AIF1L: variants seen among roughly 807,000 people sequenced by gnomAD.
AIF1L encodes allograft inflammatory factor 1-like.
AIF1L carries 12 observed loss-of-function variants against 20.7 expected under a neutral mutation model. That is an observed-to-expected ratio of 0.58 (90% CI 0.37 to 0.94). AIF1L has a LOEUF of 0.94. Among genes scored for constraint, AIF1L ranks in the 40% least tolerant of loss-of-function variants. AIF1L has a pLI of 0.01. For missense variants in AIF1L, 173 were observed against 185.3 expected, an observed-to-expected ratio of 0.93 and a Z score of 0.39; for synonymous variants, 76 against 65.1, an observed-to-expected ratio of 1.17 and a Z score of -0.81.
chr9:131,106,007 T>C (rs1830739508), intron 2 of AIF1L, among the ~76,000 whole-genome samples: 5 of 152,108 alleles, frequency 3.3e-5, no homozygotes, highest in Admixed American at 3.3e-4. Context: ...TTTGTAGAGA[T>C]GGGATCTCCC....
At chr9:131,106,236 C>G in intron 2 of AIF1L, 10 of 1,535,910 alleles carry the variant, frequency 6.5e-6, no homozygotes, top group Non-Finnish European at 7.0e-6. Context: ...ATGTTCCCAG[C>G]ACAGCTGCTT....
At chr9:131,117,173 T>G (rs1360902275) in intron 4 of AIF1L, among the ~76,000 whole-genome samples, 1 of 152,164 alleles carries the variant, frequency 6.6e-6, no homozygotes, top group African/African-American at 2.4e-5. Flanking sequence ...TGGGATATTT[T>G]TGGCATCCTC....
At chr9:131,114,808 C>A (rs1042650189) in intron 4 of AIF1L, among the ~76,000 whole-genome samples, 190 bp downstream of exon 4, 14 of 152,068 alleles carry the variant, frequency 9.2e-5, no homozygotes, top group African/African-American at 3.1e-4. Context: ...CCCTTTGATC[C>A]CCTACTGCTT....
chr9:131,100,006 C>T (rs186447447), intron 2 of AIF1L, among the ~76,000 whole-genome samples: 4 of 152,112 alleles, frequency 2.6e-5, no homozygotes, highest in Non-Finnish European at 2.9e-5. Context: ...GGATTACAGG[C>T]GTGAGCCACC....
At chr9:131,100,295 A>T (rs975280341) in intron 2 of AIF1L, among the ~76,000 whole-genome samples, 1 of 152,132 alleles carries the variant, frequency 6.6e-6, no homozygotes, top group Non-Finnish European at 1.5e-5. Context: ...GAGGTGGGGG[A>T]GCCGCATGAA....
chr9:131,097,103 G>C (rs529912424), intron 2 of AIF1L, among the ~76,000 whole-genome samples: 6 of 151,954 alleles, frequency 3.9e-5, no homozygotes, highest in Non-Finnish European at 8.8e-5. Context: ...CTGGGGACTG[G>C]GGAGGTGGGG....
intron 2 of AIF1L, among the ~76,000 whole-genome samples, chr9:131,102,050 G>A (rs13298718): frequency 1.9e-3 from 289 of 152,234 alleles, no homozygotes; most frequent in Non-Finnish European, 3.5e-3. Context: ...CCGAGTAGCT[G>A]GGATTACAAG....
At position 131,112,249 on chromosome 9, in the gene AIF1L, C is replaced by T. The variant is rs528893932; in HGVS notation, c.160+586C>T. 6.3e-4 allele frequency: 97 copies of T among 154,748 alleles called. 1 individual carries two copies. Among genetic ancestry groups the T allele is most frequent in the South Asian group, 2.5e-3 (13 of 5,116 alleles). The allele number at this position is 154,748 out of a possible 1,614,324, so 9.6% of individuals were successfully genotyped here. Reference sequence around the variant, plus strand: ...GCCAGCACCTCGAAAGGAGAGGAGCCGGGCACATAGGGGGCAGCGCAGACC... The same window carrying T: ...GCCAGCACCTCGAAAGGAGAGGAGCTGGGCACATAGGGGGCAGCGCAGACC... On this transcript the variant is annotated intron_variant, in intron 3 of 5. Coordinates refer to ENST00000247291, the MANE Select transcript of AIF1L (RefSeq NM_031426.4).
At position 131,120,300 on chromosome 9, in the gene AIF1L, G is replaced by A; in HGVS notation, c.431G>A (p.Arg144Lys). The A allele has an allele frequency of 1.2e-6, 2 of 1,613,668 alleles. No homozygotes were observed. Among genetic ancestry groups the A allele is most frequent in the East Asian group, 2.2e-5 (1 of 44,836 alleles). The change falls in exon 6 of 6, where the codon AGA becomes AAA. Residue 144 changes from arginine (R) to lysine (K), a missense_variant. Physicochemically the swap from Arg to Lys is conservative, Grantham distance 26. Transcript: ENST00000247291. The stretch of plus-strand genomic sequence containing the variant: ...AAGCCAGTTGGCCCCCCTCCAGAGA[G>A]AGACATTGCTAGCCTGCCCTGAGGA... ...SPKPVGPPPE[R>K]DIASLP
At chr9:131,113,617 G>A (rs1336384691) in intron 3 of AIF1L, among the ~76,000 whole-genome samples, 3 of 151,082 alleles carry the variant, frequency 2.0e-5, no homozygotes, top group East Asian at 4.0e-4. Flanking sequence ...CTGAGATCAC[G>A]CCACTACACT....
At chr9:131,114,507 G>T in intron 3 of AIF1L, 70 bp from the exon 4 acceptor site, 1 of 1,565,520 alleles carries the variant, frequency 6.4e-7, no homozygotes, top group Non-Finnish European at 8.8e-7. Flanking sequence ...TGCCCACAAG[G>T]GAGCCACTGG....
chr9:131,102,190 G>C (rs976399287), intron 2 of AIF1L, among the ~76,000 whole-genome samples: 1 of 152,172 alleles, frequency 6.6e-6, no homozygotes, highest in Non-Finnish European at 1.5e-5. Context: ...TGGGATTGCA[G>C]GTATGAGCCA....
chr9:131,106,311 A>C (rs1180836144), intron 2 of AIF1L: 7 of 1,324,604 alleles, frequency 5.3e-6, no homozygotes, highest in Middle Eastern at 3.6e-4. Flanking sequence ...CATCCTGCAC[A>C]TGTTTATTGA....
At chr9:131,103,407 C>T (rs563484155) in intron 2 of AIF1L, among the ~76,000 whole-genome samples, 1 of 152,350 alleles carries the variant, frequency 6.6e-6, no homozygotes, top group East Asian at 1.9e-4. Flanking sequence ...CCCCCGCACA[C>T]ACACCTGCCT....
At chr9:131,111,692 A>C in intron 3 of AIF1L, 29 bp downstream of exon 3, 3 of 1,607,934 alleles carry the variant, frequency 1.9e-6, no homozygotes, top group Non-Finnish European at 2.6e-6. Flanking sequence ...CCCTGCATTT[A>C]TTCCTGGGGG....
intron 2 of AIF1L, among the ~76,000 whole-genome samples, chr9:131,108,615 A>G (rs895817802): frequency 1.2e-4 from 18 of 152,236 alleles, no homozygotes; most frequent in African/African-American, 3.9e-4. Context: ...AGTGTCTGCT[A>G]CAGCCAATGT....
chr9:131,112,761 T>C (rs954064546), intron 3 of AIF1L, among the ~76,000 whole-genome samples: 2 of 151,998 alleles, frequency 1.3e-5, no homozygotes, highest in Admixed American at 6.6e-5. Context: ...TAAAAGACAC[T>C]CCTGACCCCA....
chr9:131,096,787 CTT>C lies in AIF1L; in HGVS notation c.32-13_32-12del. On this transcript the variant is annotated splice_polypyrimidine_tract_variant and intron_variant, in intron 1 of 5. Transcript: ENST00000247291. ...GAGGACCCCGCTTCCCAGGCCGCCTCTTTGTCTCCTCCAGGAGGGAAGGCGTT... is the reference window on the plus strand; with the variant it reads ...GAGGACCCCGCTTCCCAGGCCGCCTCTGTCTCCTCCAGGAGGGAAGGCGTT... The C allele has an allele frequency of 1.3e-6, 2 of 1,522,832 alleles. No individual in the cohort carries two copies. Among genetic ancestry groups the C allele is most frequent in the Non-Finnish European group, 1.8e-6 (2 of 1,138,008 alleles). 94.3% of individuals were successfully genotyped at this position (1,522,832 alleles called of 1,614,324 possible). A position where few individuals can be genotyped will look rare whatever the true frequency, so the allele number is the denominator to read the frequency against.
rs1831132857 is a variant in AIF1L at position 131,121,286 on chromosome 9, CATT to C, written c.*965_*967del. ...TCCTACCCTACTCACATAATTCACT[CATT>C]GACTCACTCATTCACCAGATATTTA... On this transcript the variant is annotated 3_prime_UTR_variant, in exon 6 of 6. Transcript: ENST00000247291. 1.7e-6 allele frequency: 1 copy of C among 582,804 alleles called. No homozygotes were observed. The highest frequency in any genetic ancestry group is 3.1e-6 in the Non-Finnish European group (1 of 319,676). The allele number at this position is 582,804 out of a possible 1,614,324, so 36.1% of individuals were successfully genotyped here.
Sources: gnomAD v4.1 joint callset for allele counts (sites outside exome capture counted in the v4.1 genomes callset) on GRCh38, gnomAD v4.1.1 for gene constraint, MANE v1.5 for transcripts, NCBI Gene and HGNC (gene_info 2026-07-23, HGNC 2026-07-21) for gene names.